The following UBE2K variants were observed in gnomAD, a reference collection of about 807,000 sequenced individuals.
UBE2K encodes the protein ubiquitin conjugating enzyme E2 K, also known as ubiquitin-conjugating enzyme E2 K.
UBE2K carries 6 observed loss-of-function variants against 30.0 expected under a neutral mutation model. The ratio of observed to expected loss-of-function variants is 0.20; its 90% CI spans 0.11 to 0.39. UBE2K has a LOEUF of 0.39. UBE2K is among the 10% of genes least tolerant of loss of function. The probability of loss-of-function intolerance (pLI) is 1.00; values close to 1 mark genes in which losing one functional copy is unlikely to be tolerated. For missense variants in UBE2K, 61 were observed against 241.6 expected, an observed-to-expected ratio of 0.25 and a Z score of 4.96; for synonymous variants, 86 against 83.7, an observed-to-expected ratio of 1.03 and a Z score of -0.15.
At chr4:39,764,430 T>C (rs1024849408) in intron 4 of UBE2K, among the ~76,000 whole-genome samples, 4 of 152,052 alleles carry the variant, frequency 2.6e-5, no homozygotes, top group African/African-American at 7.2e-5. Flanking sequence ...CCTTTTTTTT[T>C]TTTTCTTTTC....
intron 1 of UBE2K, among the ~76,000 whole-genome samples, chr4:39,721,713 C>T (rs1719429449): frequency 6.6e-6 from 1 of 152,138 alleles, no homozygotes; most frequent in Non-Finnish European, 1.5e-5. Flanking sequence ...GGACAGTACA[C>T]TTGTATCCCC....
At chr4:39,713,942 A>G (rs898792160) in intron 1 of UBE2K, 6 of 151,986 alleles carry the variant, frequency 3.9e-5, no homozygotes, top group Non-Finnish European at 8.8e-5. Flanking sequence ...ACTAGAGTGC[A>G]ATGGTGCAAT....
intron 4 of UBE2K, among the ~76,000 whole-genome samples, chr4:39,762,306 T>A (rs979343816): frequency 1.2e-4 from 18 of 152,200 alleles, no homozygotes; most frequent in Non-Finnish European, 2.2e-4. Context: ...AAGTGATCCT[T>A]CCACCTTGGC....
Position 39,741,291 on chromosome 4 carries a change from T to TCTG in UBE2K, c.157+3793_157+3795dup, listed in dbSNP as rs570409332. On this transcript the variant is annotated intron_variant, in intron 2 of 6. Coordinates refer to ENST00000261427, the MANE Select transcript of UBE2K (RefSeq NM_005339.5). ...ATCTCAAAAAAAAAAAGTGCTTATT[T>TCTG]CTGCTGCTGCTGCTGCTAAATGAAT... 2.6e-3 allele frequency among the ~76,000 whole-genome samples: 402 copies of TCTG among 152,122 alleles called. 2 individuals are homozygous for TCTG. Among genetic ancestry groups the TCTG allele is most frequent in the African/African-American group, 9.1e-3 (379 of 41,536 alleles).
At chr4:39,702,000 A>G in intron 1 of UBE2K, among the ~76,000 whole-genome samples, 1 of 151,914 alleles carries the variant, frequency 6.6e-6, no homozygotes, top group East Asian at 1.9e-4. Flanking sequence ...ACTTCAAGTG[A>G]TCCGCCTGCC....
At chr4:39,771,515 G>T in intron 4 of UBE2K, 1 of 1,413,418 alleles carries the variant, frequency 7.1e-7, no homozygotes, top group Non-Finnish European at 9.3e-7. Flanking sequence ...CCCCCGCGGG[G>T]CCGGAAGCGC....
chr4:39,757,961 T>C (rs1256996998), intron 4 of UBE2K, among the ~76,000 whole-genome samples: 2 of 152,206 alleles, frequency 1.3e-5, no homozygotes. Flanking sequence ...GATTTCATCA[T>C]AACTTCACCT....
At chr4:39,706,963 G>T (rs1335744799) in intron 1 of UBE2K, among the ~76,000 whole-genome samples, 1 of 152,072 alleles carries the variant, frequency 6.6e-6, no homozygotes, top group Non-Finnish European at 1.5e-5. Flanking sequence ...CTGGAGTGCA[G>T]TGGCTTTATC....
At chr4:39,772,153 G>T (rs376797912) in intron 4 of UBE2K, among the ~76,000 whole-genome samples, 1 of 152,036 alleles carries the variant, frequency 6.6e-6, no homozygotes, top group Admixed American at 6.5e-5. Flanking sequence ...AACTTTTATC[G>T]TAGGCATCTA....
rs902296343 is a variant in UBE2K, at chr4:39,698,157, G to T, written c.-171G>T. ...CGGCGCCATTTTGGTGGCCGGGCGC[G>T]GAGGTGATTCCACACTGAGGCGAGC... is the stretch of plus-strand genomic sequence containing the variant. On this transcript the variant is annotated 5_prime_UTR_variant, in exon 1 of 7. Coordinates refer to ENST00000261427, the MANE Select transcript of UBE2K (RefSeq NM_005339.5). The T allele has an allele frequency of 8.8e-6, 6 of 680,396 alleles. No homozygotes were observed. The highest frequency in any genetic ancestry group is 3.6e-5 in the African/African-American group (2 of 56,270). 42.1% of individuals were successfully genotyped at this position (680,396 alleles called of 1,614,324 possible).
chr4:39,734,985 C>A (rs1172526729), intron 1 of UBE2K, among the ~76,000 whole-genome samples: 1 of 152,254 alleles, frequency 6.6e-6, no homozygotes, highest in Admixed American at 6.5e-5. Context: ...AGTATCCTAT[C>A]ATCTTTGGGT....
At chr4:39,741,087 G>A (rs1414155499) in intron 2 of UBE2K, among the ~76,000 whole-genome samples, 1 of 151,904 alleles carries the variant, frequency 6.6e-6, no homozygotes, top group African/African-American at 2.4e-5. Context: ...CCTGACCAAC[G>A]TGGTGAAACT....
At chr4:39,700,518 G>A (rs1717949773) in intron 1 of UBE2K, among the ~76,000 whole-genome samples, 1 of 152,096 alleles carries the variant, frequency 6.6e-6, no homozygotes, top group Admixed American at 6.5e-5. Context: ...CCAATAAATA[G>A]CTTATTTTCA....
chr4:39,735,164 A>G (rs923557782), intron 1 of UBE2K, among the ~76,000 whole-genome samples: 5 of 152,130 alleles, frequency 3.3e-5, no homozygotes, highest in South Asian at 2.1e-4. Flanking sequence ...GATGCCTCCA[A>G]TTTTCTTTTA....
At chr4:39,712,683 G>C (rs1718776514) in intron 1 of UBE2K, among the ~76,000 whole-genome samples, 1 of 151,978 alleles carries the variant, frequency 6.6e-6, no homozygotes, top group Non-Finnish European at 1.5e-5. Flanking sequence ...GCCTCCCAAA[G>C]TGCTGGGATT....
chr4:39,738,913 G>C (rs944217230), intron 2 of UBE2K, among the ~76,000 whole-genome samples: 1 of 152,106 alleles, frequency 6.6e-6, no homozygotes, highest in Non-Finnish European at 1.5e-5. Context: ...GACCTTAGGT[G>C]ATCCGCCTGT....
In UBE2K at chr4:39,770,074, T is replaced by A. The variant is rs376948745; in HGVS notation, c.300-4760T>A. 364 of 1,537,282 alleles carry A rather than the reference T, an allele frequency of 2.4e-4. 3 individuals are homozygous for A. The African/African-American group carries it at 2.7e-3, about 11-fold the overall frequency. ...ACCCCAGCCTCCGGGCCTCCACGCC[T>A]GCGCGGCTAGCGGATGAGGACATTA... On this transcript the variant is annotated intron_variant, in intron 4 of 6. Transcript: ENST00000261427.
chr4:39,757,000 G>GTTTTTTTTTGTT (rs1721551596), intron 4 of UBE2K, among the ~76,000 whole-genome samples: 4 of 94,340 alleles, frequency 4.2e-5, no homozygotes, highest in South Asian at 5.0e-4. Context: ...TTTTTTGGGT[G>GTTTTTTTTTGTT]TTTTTTTTTT....
At chr4:39,752,315 T>TTTTTTTTTTC (rs1560367748) in intron 3 of UBE2K, among the ~76,000 whole-genome samples, 1 of 134,100 alleles carries the variant, frequency 7.5e-6, no homozygotes, top group Non-Finnish European at 1.6e-5. Flanking sequence ...TGGCTAATTT[T>TTTTTTTTTTC]TTTTTTTTTC....
Sources: gnomAD v4.1 joint callset for allele counts (sites outside exome capture counted in the v4.1 genomes callset) on GRCh38, gnomAD v4.1.1 for gene constraint, MANE v1.5 for transcripts, NCBI Gene and HGNC (gene_info 2026-07-23, HGNC 2026-07-21) for gene names.